Variants in CIITA observed in about 807,000 individuals in gnomAD.
CIITA encodes class II major histocompatibility complex transactivator, also known as MHC class II transactivator.
In CIITA, 72 loss-of-function variants were observed where a neutral mutation model predicts 115.1. That is an observed-to-expected ratio of 0.63 (90% CI 0.52 to 0.76). The LOEUF (loss-of-function observed/expected upper bound fraction) is 0.76, where lower values mean the gene tolerates loss of function less well. CIITA is among the 30% of genes least tolerant of loss of function. The probability of loss-of-function intolerance (pLI) is 0.00; values close to 1 mark genes in which losing one functional copy is unlikely to be tolerated. For missense variants in CIITA, 1,617 were observed against 1,463.8 expected, an observed-to-expected ratio of 1.10 and a Z score of -1.71; for synonymous variants, 763 against 635.6, an observed-to-expected ratio of 1.20 and a Z score of -3.02.
At chr16:10,937,840 G>A (rs746683666), downstream of CIITA, 4 of 152,170 alleles carry the variant, frequency 2.6e-5, no homozygotes, top group East Asian at 3.9e-4. This position sits in a 1 kb window ranked among gnomAD's most constrained non-coding sequence, Gnocchi z 4.2. Flanking sequence ...CCACAGAGCC[G>A]GCTATCCAGG....
chr16:10,867,783 G>A (rs896101376), intron 1 of CIITA, among the ~76,000 whole-genome samples: 1 of 151,998 alleles, frequency 6.6e-6, no homozygotes, highest in Non-Finnish European at 1.5e-5. Context: ...TTGAGACGGG[G>A]TCTGTTCTCT....
rs1282995874 is a variant in CIITA, at chr16:10,901,198, G to T, written c.437-316G>T. Among the ~76,000 whole-genome samples, 1 of 152,186 alleles carries T rather than the reference G, an allele frequency of 6.6e-6. No homozygotes were observed. The highest frequency in any genetic ancestry group is 1.5e-5 in the Non-Finnish European group (1 of 68,032). The stretch of plus-strand genomic sequence containing the variant: ...AGGTTCAGAGAAGCTGCATTGCAAA[G>T]GCACACAGCTAGGAAGCGGTTCAAA... On this transcript the variant is annotated intron_variant, in intron 5 of 19. Transcript: ENST00000324288. The surrounding 1 kb of genome is among the most constrained non-coding windows in gnomAD (Gnocchi z 6.8).
At chr16:10,915,430 C>A (rs1253290882) in intron 13 of CIITA, 140 bp from the exon 14 acceptor site, 1 of 722,808 alleles carries the variant, frequency 1.4e-6, no homozygotes, top group African/African-American at 1.7e-5. Flanking sequence ...GTTGCAGGGA[C>A]CTAAGAGGCT....
rs539235408 is a variant in CIITA at position 10,893,189 on chromosome 16, G to A, written c.53-2093G>A. ...GAGCCTCCAGAGGCAGCGTGGCCCT[G>A]CTGACACCTTGGCTTCAACTTCTGG... On this transcript the variant is annotated intron_variant, in intron 1 of 19. Coordinates refer to ENST00000324288, the MANE Select transcript of CIITA (RefSeq NM_000246.4). Among the ~76,000 whole-genome samples the A allele has an allele frequency of 3.9e-5, 6 of 152,260 alleles. No individual in the cohort carries two copies. The South Asian group carries it at 1.0e-3, about 26-fold the overall frequency.
intron 1 of CIITA, among the ~76,000 whole-genome samples, chr16:10,880,170 C>A (rs891855567): frequency 6.6e-6 from 1 of 152,178 alleles, no homozygotes; most frequent in South Asian, 2.1e-4. Context: ...AATCTCAGAG[C>A]GTTTGGAGGC....
intron 13 of CIITA, among the ~76,000 whole-genome samples, chr16:10,912,167 T>G (rs1298781587): frequency 6.6e-6 from 1 of 152,114 alleles, no homozygotes; most frequent in East Asian, 1.9e-4. Context: ...CAGGCTAGAA[T>G]GCAGTGGTAT....
chr16:10,907,527 C>A lies in CIITA; in HGVS notation c.2035C>A (p.Gln679Lys). The A allele has an allele frequency of 1.9e-6, 3 of 1,614,134 alleles. No individual in the cohort carries two copies. The highest frequency in any genetic ancestry group is 1.7e-5 in the Admixed American group (1 of 60,026). Residue 679 changes from glutamine to lysine, a missense_variant, in exon 11 of 20, where the codon CAG (glutamine) becomes AAG (lysine). Transcript: ENST00000324288. This position sits in a 1 kb window ranked among gnomAD's most constrained non-coding sequence, Gnocchi z 5.0. ...ACATCAAAGTACCCTACAGGAGGAC[C>A]AGTTCCCATCCGCAGACGTGAGGAC... ...RRHQSTLQED[Q>K]FPSADVRTWA...
Position 10,935,759 on chromosome 16 carries a change from A to T in CIITA, c.*11904A>T, listed in dbSNP as rs1438163983. 6.6e-6 allele frequency: 1 copy of T among 152,254 alleles called. No homozygotes were observed. The highest frequency in any genetic ancestry group is 1.5e-5 in the Non-Finnish European group (1 of 68,056). 9.4% of individuals were successfully genotyped at this position (152,254 alleles called of 1,614,324 possible). ...GCAATATTCCTGCCAAGAATGCCTC[A>T]TCTGAATCTAATCTCGAGTATAACC... On this transcript the variant is annotated 3_prime_UTR_variant, in exon 20 of 20. Transcript: ENST00000324288.
intron 8 of CIITA, 92 bp downstream of exon 8, chr16:10,902,893 G>A (rs1469005624): frequency 6.8e-7 from 1 of 1,479,806 alleles, no homozygotes; most frequent in East Asian, 2.3e-5. Context: ...ACTTGGCAGT[G>A]GTGCCCTAGC....
At chr16:10,892,185 A>G (rs1284477512) in intron 1 of CIITA, among the ~76,000 whole-genome samples, 1 of 152,098 alleles carries the variant, frequency 6.6e-6, no homozygotes, top group Non-Finnish European at 1.5e-5. Context: ...TTAGCCAGGC[A>G]TGGTGGCGGG....
Position 10,910,174 on chromosome 16 carries a change from C to T in CIITA, c.2817-14C>T. On this transcript the variant is annotated splice_polypyrimidine_tract_variant and intron_variant, in intron 12 of 19. Transcript: ENST00000324288. ...GCAGTGCCTGCTCCCCCTAACATTG[C>T]CTGTTCTCTCCAGGACGAGAAGTTC... 1 of 1,613,006 alleles carries T rather than the reference C, an allele frequency of 6.2e-7. No homozygotes were observed. The highest frequency in any genetic ancestry group is 8.5e-7 in the Non-Finnish European group (1 of 1,179,222).
rs1243018538 is a variant in CIITA, at chr16:10,934,368, G to A, written c.*10513G>A. On this transcript the variant is annotated 3_prime_UTR_variant, in exon 20 of 20. Transcript: ENST00000324288. The surrounding 1 kb of genome is among the most constrained non-coding windows in gnomAD (Gnocchi z 4.2). ...CAATGCTAAAAATACAATGAAAATG[G>A]AACCAGGAAGTCTAGCTTGATACCC... 1.3e-5 allele frequency: 2 copies of A among 152,238 alleles called. No homozygotes were observed. The highest frequency in any genetic ancestry group is 4.8e-5 in the African/African-American group (2 of 41,466). 9.4% of individuals were successfully genotyped at this position (152,238 alleles called of 1,614,324 possible).
At chr16:10,896,382 A>C (rs1042764594) in intron 3 of CIITA, among the ~76,000 whole-genome samples, 31 of 152,216 alleles carry the variant, frequency 2.0e-4, no homozygotes, top group African/African-American at 7.5e-4. Flanking sequence ...CAAAAAAAGA[A>C]AGTGTCTGGG....
chr16:10,907,885 C>A lies in CIITA; in HGVS notation c.2393C>A (p.Pro798Gln), dbSNP rs762042705. Residue 798 changes from proline (P) to glutamine (Q), a missense_variant, in exon 11 of 20, where the codon CCG becomes CAG. Coordinates refer to ENST00000324288, the MANE Select transcript of CIITA (RefSeq NM_000246.4). This position sits in a 1 kb window ranked among gnomAD's most constrained non-coding sequence, Gnocchi z 5.0. ...VLARYLKRLQ[P>Q]GTLRARQLLE... is the part of the protein sequence containing the mutation. Reference sequence around the variant, plus strand: ...GCGAGGTACCTGAAGCGGCTGCAGCCGGGGACACTGCGGGCGCGGCAGCTG... The same window carrying A: ...GCGAGGTACCTGAAGCGGCTGCAGCAGGGGACACTGCGGGCGCGGCAGCTG... 6.2e-7 allele frequency: 1 copy of A among 1,601,360 alleles called. No homozygotes were observed. Among genetic ancestry groups the A allele is most frequent in the Non-Finnish European group, 8.5e-7 (1 of 1,173,464 alleles).
intron 14 of CIITA, 124 bp from the exon 15 acceptor site, chr16:10,916,243 T>A (rs368649340): frequency 2.4e-6 from 2 of 837,500 alleles, no homozygotes; most frequent in East Asian, 2.7e-5. Flanking sequence ...CGGCTGCCTA[T>A]GGTGTATTAG....
chr16:10,882,800 T>G (rs915384966), intron 1 of CIITA, among the ~76,000 whole-genome samples: 2 of 151,810 alleles, frequency 1.3e-5, no homozygotes, highest in Non-Finnish European at 2.9e-5. Flanking sequence ...GGTAGGCTGG[T>G]GGAGGAGAAT....
intron 1 of CIITA, among the ~76,000 whole-genome samples, chr16:10,894,912 G>A (rs1347551363): frequency 6.6e-6 from 1 of 152,200 alleles, no homozygotes; most frequent in African/African-American, 2.4e-5. Context: ...TTACTGATAT[G>A]AGTATTAAAT....
Position 10,902,899 on chromosome 16 carries a change from C to T in CIITA, c.772+98C>T. ...ACTCCATGCACTTGGCAGTGGTGCCCTAGCACCTTCTCATGATCCTCCCTC... is the reference window on the plus strand; with the variant it reads ...ACTCCATGCACTTGGCAGTGGTGCCTTAGCACCTTCTCATGATCCTCCCTC... On this transcript the variant is annotated intron_variant, in intron 8 of 19. Coordinates refer to ENST00000324288, the MANE Select transcript of CIITA (RefSeq NM_000246.4). The T allele has an allele frequency of 2.2e-6, 3 of 1,391,274 alleles. No individual in the cohort carries two copies. The South Asian group carries it at 3.5e-5, about 16-fold the overall frequency. 86.2% of individuals were successfully genotyped at this position (1,391,274 alleles called of 1,614,324 possible). A position where few individuals can be genotyped will look rare whatever the true frequency, so the allele number is the denominator to read the frequency against.
Position 10,901,642 on chromosome 16 carries a change from T to C in CIITA, c.481+84T>C. The C allele has an allele frequency of 7.1e-7, 1 of 1,402,982 alleles. No individual in the cohort carries two copies. The highest frequency in any genetic ancestry group is 9.9e-7 in the Non-Finnish European group (1 of 1,006,362). 86.9% of individuals were successfully genotyped at this position (1,402,982 alleles called of 1,614,324 possible). On this transcript the variant is annotated intron_variant, in intron 6 of 19. Transcript: ENST00000324288. This position sits in a 1 kb window ranked among gnomAD's most constrained non-coding sequence, Gnocchi z 6.8. ...AGAGATTGAACTCCTGGCCCAAGTC[T>C]GATGGGGATGGTGCATGGTGCAGCC...
Sources: gnomAD v4.1 joint callset for allele counts (sites outside exome capture counted in the v4.1 genomes callset) on GRCh38, gnomAD v4.1.1 for gene constraint, Gnocchi (gnomAD v3.1) non-coding constraint, MANE v1.5 for transcripts, NCBI Gene and HGNC (gene_info 2026-07-23, HGNC 2026-07-21) for gene names.